Variants in RAB11FIP4 observed in about 807,000 individuals in gnomAD.
The protein encoded by RAB11FIP4 is RAB11 family interacting protein 4.
In RAB11FIP4, 23 loss-of-function variants were observed where a neutral mutation model predicts 74.3. The observed-to-expected ratio is 0.31, with a 90% CI of 0.22 to 0.44. RAB11FIP4 has a LOEUF of 0.44. Among genes scored for constraint, RAB11FIP4 ranks in the 20% least tolerant of loss-of-function variants. The pLI is 1.00. For missense variants in RAB11FIP4, 630 were observed against 863.9 expected (o/e 0.73, Z 3.39); for synonymous variants, 360 against 359.9 (o/e 1.00, Z 0.00).
chr17:31,497,378 A>AC (rs1330145211), intron 3 of RAB11FIP4, among the ~76,000 whole-genome samples: 2 of 152,046 alleles, frequency 1.3e-5, no homozygotes, highest in African/African-American at 4.8e-5. Context: ...ACAAAACAAA[A>AC]AAAAAACTGC....
At chr17:31,402,810 A>G (rs140222487) in intron 1 of RAB11FIP4, among the ~76,000 whole-genome samples, 3,699 of 151,244 alleles carry the variant, frequency 0.024, 148 homozygotes, top group African/African-American at 0.085. Context: ...TATTTTTAGT[A>G]GAGACGGGGT....
At position 31,517,686 on chromosome 17, in the gene RAB11FIP4, C is replaced by G. The variant is rs755377305; in HGVS notation, c.372C>G (p.Gly124=). The G allele has an allele frequency of 2.7e-5, 43 of 1,607,450 alleles. 1 individual carries two copies. In the South Asian group the frequency reaches 4.7e-4, roughly 18 times the overall value. ...TCACAGGCCCCACCTTTGCTGATGG[C>G]GAGCTCATCCCCAGGGAACCCGGCT... is the stretch of plus-strand genomic sequence containing the variant. The part of the protein sequence containing the change: ...SEVTGPTFAD[G]ELIPREPGFF... The change falls in exon 4 of 15, where the codon GGC becomes GGG. Residue 124 remains glycine (G), a synonymous_variant. Transcript: ENST00000621161.
chr17:31,455,014 C>A (rs547718100), intron 3 of RAB11FIP4, among the ~76,000 whole-genome samples: 1 of 152,148 alleles, frequency 6.6e-6, no homozygotes, highest in Non-Finnish European at 1.5e-5. Context: ...CCTGTCTGAA[C>A]AAGTCTGTAG....
chr17:31,432,749 GT>G (rs1209512788), intron 2 of RAB11FIP4, among the ~76,000 whole-genome samples: 1 of 152,070 alleles, frequency 6.6e-6, no homozygotes, highest in African/African-American at 2.4e-5. Flanking sequence ...CCTCTGTCTT[GT>G]CCCAAAAATT....
chr17:31,396,183 CAAA>C (rs55991343), intron 1 of RAB11FIP4, among the ~76,000 whole-genome samples: 11 of 122,564 alleles, frequency 9.0e-5, no homozygotes, highest in Admixed American at 1.7e-4. Flanking sequence ...GACCCTGCCA[CAAA>C]AAAAAAAAAA....
At chr17:31,498,903 G>A (rs945603524) in intron 3 of RAB11FIP4, among the ~76,000 whole-genome samples, 1 of 152,136 alleles carries the variant, frequency 6.6e-6, no homozygotes, top group Non-Finnish European at 1.5e-5. Flanking sequence ...GTAAAGTATG[G>A]AGCCCCCAAA....
At chr17:31,424,913 G>A (rs1172919284) in intron 1 of RAB11FIP4, among the ~76,000 whole-genome samples, 2 of 152,154 alleles carry the variant, frequency 1.3e-5, no homozygotes, top group African/African-American at 2.4e-5. Flanking sequence ...TTAAGCAAAA[G>A]TTGTCAGTAC....
chr17:31,475,799 GTT>G (rs11451772), intron 3 of RAB11FIP4, among the ~76,000 whole-genome samples: 1 of 142,126 alleles, frequency 7.0e-6, no homozygotes, highest in Non-Finnish European at 1.5e-5. Context: ...TTTTTGTGTG[GTT>G]TTTTTTTTTT....
At chr17:31,392,269 CCTCGGCCATG>C (rs1184281546) in intron 1 of RAB11FIP4, 46 of 314,044 alleles carry the variant, frequency 1.5e-4, no homozygotes, top group African/African-American at 1.0e-3. Flanking sequence ...CACCTTCCTT[CCTCGGCCATG>C]CAGGTCCTTC....
chr17:31,446,138 CT>C (rs1446302510), intron 3 of RAB11FIP4, among the ~76,000 whole-genome samples: 1 of 151,462 alleles, frequency 6.6e-6, no homozygotes, highest in Non-Finnish European at 1.5e-5. Flanking sequence ...TTTTCTGGTC[CT>C]TTGGGGTACT....
chr17:31,416,352 A>C (rs1315733980), intron 1 of RAB11FIP4, among the ~76,000 whole-genome samples: 1 of 152,170 alleles, frequency 6.6e-6, no homozygotes. Context: ...GAGTGGGAGC[A>C]AGACAGTGGG....
chr17:31,469,198 G>GA (rs2071714832), intron 3 of RAB11FIP4, among the ~76,000 whole-genome samples: 1 of 152,182 alleles, frequency 6.6e-6, no homozygotes, highest in Non-Finnish European at 1.5e-5. Flanking sequence ...AATATGTAGC[G>GA]TTCACGATGG....
intron 3 of RAB11FIP4, among the ~76,000 whole-genome samples, chr17:31,510,511 G>A (rs549487884): frequency 6.6e-6 from 1 of 152,356 alleles, no homozygotes; most frequent in African/African-American, 2.4e-5. Flanking sequence ...AGTGCCTGGG[G>A]AATGAGGCCG....
chr17:31,531,268 G>A (rs1057021361), intron 14 of RAB11FIP4: 22 of 216,542 alleles, frequency 1.0e-4, no homozygotes, highest in Non-Finnish European at 1.8e-4. Flanking sequence ...CTCCCCTTTG[G>A]AGTCTTAGCG....
intron 3 of RAB11FIP4, among the ~76,000 whole-genome samples, chr17:31,477,667 C>T (rs1256190186): frequency 6.6e-6 from 1 of 152,154 alleles, no homozygotes; most frequent in Non-Finnish European, 1.5e-5. Context: ...AAATGAATGA[C>T]GGGGTGAATG....
intron 1 of RAB11FIP4, among the ~76,000 whole-genome samples, chr17:31,399,885 A>T (rs907049926): frequency 6.6e-6 from 1 of 151,736 alleles, no homozygotes; most frequent in Non-Finnish European, 1.5e-5. Flanking sequence ...TCTATTAAAA[A>T]TACAAGAATT....
chr17:31,501,987 A>G (rs2072230632), intron 3 of RAB11FIP4, among the ~76,000 whole-genome samples: 1 of 152,166 alleles, frequency 6.6e-6, no homozygotes, highest in Admixed American at 6.6e-5. Context: ...TGGGAGGCCA[A>G]GGTGGCTGGC....
At chr17:31,514,598 T>G (rs908595678) in intron 3 of RAB11FIP4, among the ~76,000 whole-genome samples, 5 of 152,378 alleles carry the variant, frequency 3.3e-5, no homozygotes, top group African/African-American at 1.2e-4. Context: ...GCCAAGTTGC[T>G]GAGCTCTCAC....
At chr17:31,521,494 T>C in intron 5 of RAB11FIP4, 134 bp downstream of exon 5, 1 of 795,140 alleles carries the variant, frequency 1.3e-6, no homozygotes. Flanking sequence ...GTTCTGCTCC[T>C]GGGGCTTGGG....
Sources: allele counts gnomAD v4.1 joint callset (sites outside exome capture counted in the v4.1 genomes callset), GRCh38; gene constraint gnomAD v4.1.1; transcripts MANE v1.5; gene names NCBI Gene and HGNC (gene_info 2026-07-23, HGNC 2026-07-21).